Variants in KCNB2 observed in about 807,000 individuals in gnomAD.
KCNB2 encodes the protein potassium voltage-gated channel subfamily B member 2, also known as delayed rectifier potassium channel protein.
Under a neutral mutation model 61.5 loss-of-function variants are expected in KCNB2, and 15 were observed. The observed-to-expected ratio is 0.24, with a 90% confidence interval of 0.16 to 0.38. The LOEUF is 0.38. Among genes scored for constraint, KCNB2 ranks in the 10% least tolerant of loss-of-function variants. The probability of loss-of-function intolerance (pLI) is 1.00; values close to 1 mark genes in which losing one functional copy is unlikely to be tolerated. For synonymous variants in KCNB2, 457 were observed against 446.0 expected (o/e 1.02, Z -0.31); for missense variants, 828 against 1,125.2 (o/e 0.74, Z 3.78).
chr8:72,918,453 T>C (rs1461516661), intron 2 of KCNB2, among the ~76,000 whole-genome samples: 3 of 152,126 alleles, frequency 2.0e-5, no homozygotes. Context: ...GAAAATAAGA[T>C]AAAGAAAGCC....
At chr8:72,737,802 C>A (rs1162735841) in intron 2 of KCNB2, among the ~76,000 whole-genome samples, 1 of 152,126 alleles carries the variant, frequency 6.6e-6, no homozygotes, top group Non-Finnish European at 1.5e-5. Flanking sequence ...AAACTCAGTT[C>A]TTCATGGTTA....
At chr8:72,561,691 T>TTTTATATATA (rs1554576093) in intron 1 of KCNB2, among the ~76,000 whole-genome samples, 5 of 19,404 alleles carry the variant, frequency 2.6e-4, no homozygotes, top group Admixed American at 1.8e-3. Flanking sequence ...GATCTTACTT[T>TTTTATATATA]TATATATATA....
chr8:72,798,149 C>T (rs187488850), intron 2 of KCNB2, among the ~76,000 whole-genome samples: 114 of 152,306 alleles, frequency 7.5e-4, no homozygotes, highest in African/African-American at 2.4e-3. Flanking sequence ...ACATCTTCTG[C>T]ATTTTTATGA....
At chr8:72,921,295 A>T (rs1002950600) in intron 2 of KCNB2, among the ~76,000 whole-genome samples, 1 of 152,070 alleles carries the variant, frequency 6.6e-6, no homozygotes, top group African/African-American at 2.4e-5. Flanking sequence ...TACTTTTTTT[A>T]AAAAATGCTG....
chr8:72,927,672 C>T (rs991146132), intron 2 of KCNB2, among the ~76,000 whole-genome samples: 2 of 152,204 alleles, frequency 1.3e-5, no homozygotes, highest in Non-Finnish European at 2.9e-5. Context: ...GTGCACTGCA[C>T]AAAACATAGA....
chr8:72,826,485 A>G (rs1053839526), intron 2 of KCNB2, among the ~76,000 whole-genome samples: 1 of 152,224 alleles, frequency 6.6e-6, no homozygotes, highest in Non-Finnish European at 1.5e-5. Flanking sequence ...TTGCAAGCAT[A>G]TGACAGGGGT....
At chr8:72,580,448 G>A (rs1468690541) in intron 2 of KCNB2, among the ~76,000 whole-genome samples, 2 of 152,022 alleles carry the variant, frequency 1.3e-5, no homozygotes, top group Non-Finnish European at 2.9e-5. Context: ...TCCTATCATT[G>A]TCCAATAGTC....
rs186432346 is a variant in KCNB2, at chr8:72,669,732, A to G, written c.579+101419A>G. Among the ~76,000 whole-genome samples the G allele has an allele frequency of 9.2e-3, 1,394 of 152,330 alleles. 19 individuals carry two copies. The highest frequency in any genetic ancestry group is 0.033 in the South Asian group (161 of 4,820). On this transcript the variant is annotated intron_variant, in intron 2 of 2. Transcript: ENST00000523207. ...GAGTGCACATTTTCTATTTCAGTAC[A>G]AAACCCTGGGCATGTCATTCAAGGA... is the stretch of plus-strand genomic sequence containing the variant.
At chr8:72,797,248 A>G (rs1180162421) in intron 2 of KCNB2, among the ~76,000 whole-genome samples, 1 of 152,222 alleles carries the variant, frequency 6.6e-6, no homozygotes, top group African/African-American at 2.4e-5. Flanking sequence ...AGATTTTTGA[A>G]GAGTCTATTA....
At chr8:72,773,867 G>T (rs1326040039) in intron 2 of KCNB2, among the ~76,000 whole-genome samples, 1 of 152,142 alleles carries the variant, frequency 6.6e-6, no homozygotes. Context: ...TAAGGTCTGA[G>T]CTGTGGTTGA....
At chr8:72,862,782 A>G (rs1387518547) in intron 2 of KCNB2, among the ~76,000 whole-genome samples, 1 of 152,096 alleles carries the variant, frequency 6.6e-6, no homozygotes, top group African/African-American at 2.4e-5. Flanking sequence ...TTACTTCTCA[A>G]TCCGAAGGCT....
chr8:72,568,589 G>A (rs1270742924), intron 2 of KCNB2, among the ~76,000 whole-genome samples: 1 of 152,234 alleles, frequency 6.6e-6, no homozygotes, highest in Non-Finnish European at 1.5e-5. Context: ...TCCTGGCGCT[G>A]TATCAGGTTG....
chr8:72,546,576 G>A (rs1350047525), intron 1 of KCNB2, among the ~76,000 whole-genome samples: 1 of 151,610 alleles, frequency 6.6e-6, no homozygotes, highest in African/African-American at 2.4e-5. Context: ...GCTGCAGCAA[G>A]TTACCCACAA....
intron 2 of KCNB2, among the ~76,000 whole-genome samples, chr8:72,599,006 A>T (rs569032341): frequency 6.6e-6 from 1 of 152,376 alleles, no homozygotes. Context: ...CAATATCGTG[A>T]AAATGGCCAT....
At chr8:72,883,882 G>A (rs67285337) in intron 2 of KCNB2, among the ~76,000 whole-genome samples, 11,199 of 152,120 alleles carry the variant, frequency 0.074, 501 homozygotes, top group African/African-American at 0.12. Flanking sequence ...ACAACACTGC[G>A]ATGCATGTTA....
chr8:72,748,336 T>C (rs2128995337), intron 2 of KCNB2, among the ~76,000 whole-genome samples: 1 of 152,298 alleles, frequency 6.6e-6, no homozygotes. Flanking sequence ...TTCAGCCTTG[T>C]TCTATCAGAT....
intron 2 of KCNB2, among the ~76,000 whole-genome samples, chr8:72,685,144 T>G (rs1806829217): frequency 6.6e-6 from 1 of 152,182 alleles, no homozygotes; most frequent in Admixed American, 6.5e-5. Context: ...AGAAAACTTC[T>G]GACATAAAGC....
At chr8:72,816,038 C>G (rs1246628734) in intron 2 of KCNB2, among the ~76,000 whole-genome samples, 1 of 151,932 alleles carries the variant, frequency 6.6e-6, no homozygotes, top group Non-Finnish European at 1.5e-5. Flanking sequence ...TAAATCACAC[C>G]ACTGTAAGTA....
At position 72,537,835 on chromosome 8, in the gene KCNB2, T is replaced by C. The variant is rs1459896905; in HGVS notation, c.-144T>C. 6.6e-6 allele frequency: 1 copy of C among 152,094 alleles called. No homozygotes were observed. The highest frequency in any genetic ancestry group is 1.5e-5 in the Non-Finnish European group (1 of 68,118). The allele number at this position is 152,094 out of a possible 1,614,324, so 9.4% of individuals were successfully genotyped here. ...AGGGAGCGGGGAATCCCACAGCCCT[T>C]TGTGGTGCCCGAGCCCGTGCCGCCT... is the stretch of plus-strand genomic sequence containing the variant. On this transcript the variant is annotated 5_prime_UTR_variant, in exon 1 of 3. Transcript: ENST00000523207.
Sources: allele counts gnomAD v4.1 joint callset (sites outside exome capture counted in the v4.1 genomes callset), GRCh38; gene constraint gnomAD v4.1.1; transcripts MANE v1.5; gene names NCBI Gene and HGNC (gene_info 2026-07-23, HGNC 2026-07-21).